Variants in STAG1 observed in about 807,000 individuals in gnomAD.
The protein encoded by STAG1 is cohesin subunit SA-1.
In STAG1, 26 loss-of-function variants were observed where a neutral mutation model predicts 170.9. The ratio of observed to expected loss-of-function variants is 0.15; its 90% CI spans 0.11 to 0.21. The LOEUF (loss-of-function observed/expected upper bound fraction) is 0.21. Among genes scored for constraint, STAG1 ranks in the 10% least tolerant of loss-of-function variants. The pLI, the probability that STAG1 is intolerant of heterozygous loss-of-function variation, is 1.00. For synonymous variants in STAG1, 514 were observed against 497.7 expected (o/e 1.03, Z -0.44); for missense variants, 964 against 1,509.5 (o/e 0.64, Z 5.99).
intron 21 of STAG1, among the ~76,000 whole-genome samples, chr3:136,410,927 T>C (rs573300228): frequency 2.6e-5 from 4 of 152,220 alleles, no homozygotes; most frequent in Admixed American, 6.5e-5. Flanking sequence ...CGGTGGCATA[T>C]GCCTGTCATC....
chr3:136,360,870 A>G (rs997469555), intron 26 of STAG1, among the ~76,000 whole-genome samples: 3 of 151,968 alleles, frequency 2.0e-5, no homozygotes, highest in African/African-American at 7.2e-5. Context: ...GGGTTTCACC[A>G]TGTTAGCCAG....
chr3:136,752,015 A>G (rs963079240), intron 1 of STAG1, among the ~76,000 whole-genome samples, 180 bp downstream of exon 1: 2 of 150,730 alleles, frequency 1.3e-5, no homozygotes, highest in Non-Finnish European at 3.0e-5. Flanking sequence ...CACCCCGCAC[A>G]GGCCCGCGCG....
At chr3:136,446,957 C>T (rs557219502) in intron 14 of STAG1, among the ~76,000 whole-genome samples, 12 of 151,394 alleles carry the variant, frequency 7.9e-5, no homozygotes, top group Admixed American at 4.6e-4. Context: ...CATCCCACCA[C>T]GCCACCCTGC....
chr3:136,505,999 A>C (rs1057437469), intron 7 of STAG1, among the ~76,000 whole-genome samples: 1 of 152,190 alleles, frequency 6.6e-6, no homozygotes, highest in Non-Finnish European at 1.5e-5. Flanking sequence ...AGGAAGGAAG[A>C]GGCCAGATTA....
At chr3:136,563,320 T>C (rs77485262) in intron 5 of STAG1, among the ~76,000 whole-genome samples, 233 of 152,310 alleles carry the variant, frequency 1.5e-3, no homozygotes, top group Non-Finnish European at 2.8e-3. Context: ...GTGGTTGTTA[T>C]TATGGTGTAA....
intron 5 of STAG1, among the ~76,000 whole-genome samples, chr3:136,543,797 G>A (rs1236843551): frequency 6.6e-6 from 1 of 152,126 alleles, no homozygotes; most frequent in Non-Finnish European, 1.5e-5. Flanking sequence ...AAATAAGGAT[G>A]ATAAGAGAAT....
chr3:136,567,909 C>G (rs1410677492), intron 5 of STAG1, among the ~76,000 whole-genome samples: 1 of 152,134 alleles, frequency 6.6e-6, no homozygotes, highest in African/African-American at 2.4e-5. Flanking sequence ...TGTATTTCCC[C>G]TCTTTCTTAC....
intron 6 of STAG1, among the ~76,000 whole-genome samples, chr3:136,539,368 A>G (rs999299170): frequency 6.6e-6 from 1 of 152,212 alleles, no homozygotes; most frequent in African/African-American, 2.4e-5. Context: ...AGGAAAAGAG[A>G]AAAAATCTGC....
chr3:136,607,890 A>C (rs1430017862), intron 3 of STAG1, among the ~76,000 whole-genome samples: 2 of 152,202 alleles, frequency 1.3e-5, no homozygotes, highest in Non-Finnish European at 2.9e-5. Context: ...TCCTTGCCCC[A>C]GTTCTAGAAT....
intron 23 of STAG1, among the ~76,000 whole-genome samples, chr3:136,376,474 C>T (rs1445529888): frequency 6.6e-6 from 1 of 151,756 alleles, no homozygotes; most frequent in Non-Finnish European, 1.5e-5. Flanking sequence ...GCTTACCAAA[C>T]CCCACTTCTA....
chr3:136,647,596 CA>C (rs980136220), intron 1 of STAG1, among the ~76,000 whole-genome samples: 193 of 144,280 alleles, frequency 1.3e-3, no homozygotes, highest in African/African-American at 3.5e-3. Context: ...ATTTTTCCTT[CA>C]AAAAAAAAAA....
intron 4 of STAG1, among the ~76,000 whole-genome samples, chr3:136,597,646 A>G (rs1229747162): frequency 6.6e-6 from 1 of 152,140 alleles, no homozygotes; most frequent in African/African-American, 2.4e-5. Context: ...AAGGCTACTG[A>G]TTTTTTAAAC....
At chr3:136,478,343 C>T (rs1472164549) in intron 9 of STAG1, among the ~76,000 whole-genome samples, 5 of 152,136 alleles carry the variant, frequency 3.3e-5, no homozygotes, top group African/African-American at 1.2e-4. Context: ...TCCAATATAA[C>T]CCTCCTGGGA....
At chr3:136,744,445 T>C (rs978431313) in intron 1 of STAG1, among the ~76,000 whole-genome samples, 1 of 152,184 alleles carries the variant, frequency 6.6e-6, no homozygotes, top group Non-Finnish European at 1.5e-5. Context: ...CAGAAAATGA[T>C]TGTATCAATT....
At chr3:136,702,117 G>GAGAGAC (rs1359241533) in intron 1 of STAG1, among the ~76,000 whole-genome samples, 1 of 71,746 alleles carries the variant, frequency 1.4e-5, no homozygotes, top group African/African-American at 5.9e-5. Context: ...GAGAGAGAGA[G>GAGAGAC]AGAGACAGAG....
intron 1 of STAG1, among the ~76,000 whole-genome samples, chr3:136,669,476 C>A (rs1332007614): frequency 6.6e-6 from 1 of 152,152 alleles, no homozygotes; most frequent in Non-Finnish European, 1.5e-5. Flanking sequence ...AGCTCAGCCT[C>A]CCAAGTAGCT....
At chr3:136,374,291 A>G (rs866980427) in intron 23 of STAG1, among the ~76,000 whole-genome samples, 1 of 149,296 alleles carries the variant, frequency 6.7e-6, no homozygotes, top group South Asian at 2.1e-4. Flanking sequence ...TCAAAAATAA[A>G]TAGAAAAAAG....
chr3:136,426,218 T>C (rs551575687), intron 16 of STAG1, among the ~76,000 whole-genome samples: 1 of 151,832 alleles, frequency 6.6e-6, no homozygotes, highest in Admixed American at 6.6e-5. Flanking sequence ...CCATCCTGGC[T>C]AACACAGTGA....
intron 30 of STAG1, among the ~76,000 whole-genome samples, chr3:136,342,654 G>A (rs758833707): frequency 6.6e-4 from 101 of 152,270 alleles, no homozygotes; most frequent in African/African-American, 1.9e-4. Context: ...TACATTTATA[G>A]GATGTAAACT....
Sources: allele counts gnomAD v4.1 joint callset (sites outside exome capture counted in the v4.1 genomes callset), GRCh38; gene constraint gnomAD v4.1.1; transcripts MANE v1.5; gene names NCBI Gene and HGNC (gene_info 2026-07-23, HGNC 2026-07-21).